Variants in ERVH48-1 observed in about 807,000 individuals in gnomAD.
The protein encoded by ERVH48-1 is suppressyn.
In ERVH48-1, 4 loss-of-function variants were observed where a neutral mutation model predicts 2.4. The ratio of observed to expected loss-of-function variants is 1.68; its 90% CI spans 0.83 to 3.84. The LOEUF (loss-of-function observed/expected upper bound fraction) is 3.84, where lower values mean the gene tolerates loss of function less well. Among genes scored for constraint, ERVH48-1 ranks in the 30% most tolerant of loss-of-function variants. The probability of loss-of-function intolerance (pLI) is 0.01; values close to 1 mark genes in which losing one functional copy is unlikely to be tolerated. For missense variants in ERVH48-1, 97 were observed against 43.4 expected, an observed-to-expected ratio of 2.23 and a Z score of -3.47; for synonymous variants, 32 against 15.5, an observed-to-expected ratio of 2.06 and a Z score of -2.49.
At chr21:42,922,700 A>C (rs1201941267) in intron 1 of ERVH48-1, among the ~76,000 whole-genome samples, 1 of 140,130 alleles carries the variant, frequency 7.1e-6, no homozygotes, top group Non-Finnish European at 1.5e-5. Context: ...AGATTGCGCC[A>C]CTGCACTCCA....
At chr21:42,920,579 A>G (rs1278089768) in intron 1 of ERVH48-1, among the ~76,000 whole-genome samples, 1 of 152,150 alleles carries the variant, frequency 6.6e-6, no homozygotes, top group Non-Finnish European at 1.5e-5. Flanking sequence ...CTCGAGTGAG[A>G]GCTCAAGTGA....
At position 42,918,969 on chromosome 21, in the gene ERVH48-1, A is replaced by C; in HGVS notation, c.38T>G (p.Leu13Arg). 1 of 886,886 alleles carries C rather than the reference A, an allele frequency of 1.1e-6. No homozygotes were observed. Among genetic ancestry groups the C allele is most frequent in the Non-Finnish European group, 1.6e-6 (1 of 621,356 alleles). 54.9% of individuals were successfully genotyped at this position (886,886 alleles called of 1,614,324 possible). A position where few individuals can be genotyped will look rare whatever the true frequency, so the allele number is the denominator to read the frequency against. The change falls in exon 2 of 2, where the codon CTT (leucine) becomes CGT (arginine). Residue 13 changes from leucine to arginine, a missense_variant. Leu to Arg is a moderately radical substitution (Grantham distance 102). Transcript: ENST00000447535. Reference protein sequence around the residue: ...CIYPTTFYTSLPTKSLNMGIS... With the variant: ...CIYPTTFYTSRPTKSLNMGIS... The stretch of plus-strand genomic sequence containing the variant: ...TCCCATATTAAGACTTTTGGTTGGA[A>C]GAGAGGTATAGAAAGTGGTTGGGTA...
Position 42,917,950 on chromosome 21 carries a change from G to A in ERVH48-1, c.*574C>T, listed in dbSNP as rs1335580792. The A allele has an allele frequency of 6.6e-6, 1 of 152,404 alleles. No homozygotes were observed. The highest frequency in any genetic ancestry group is 2.4e-5 in the African/African-American group (1 of 41,448). 9.4% of individuals were successfully genotyped at this position (152,404 alleles called of 1,614,324 possible). Reference sequence around the variant, plus strand: ...AGGTTGAATTGTGCCTAGGAAGCAAGTACCTTGCCAGTGATAAGGTAGCTG... The same window carrying A: ...AGGTTGAATTGTGCCTAGGAAGCAAATACCTTGCCAGTGATAAGGTAGCTG... On this transcript the variant is annotated 3_prime_UTR_variant, in exon 2 of 2. Coordinates refer to ENST00000447535, the MANE Select transcript of ERVH48-1 (RefSeq NM_001308491.2).
intron 1 of ERVH48-1, among the ~76,000 whole-genome samples, chr21:42,922,061 G>C (rs2058807493): frequency 6.6e-6 from 1 of 152,152 alleles, no homozygotes; most frequent in Non-Finnish European, 1.5e-5. Context: ...GTTTAAAAGG[G>C]AGTTTGTTGG....
intron 1 of ERVH48-1, among the ~76,000 whole-genome samples, chr21:42,924,182 G>A (rs1240732400): frequency 6.6e-6 from 1 of 152,122 alleles, no homozygotes; most frequent in Non-Finnish European, 1.5e-5. Flanking sequence ...AAGGTGGCGG[G>A]GTGGGTTTAC....
At chr21:42,922,436 A>G (rs1470984150) in intron 1 of ERVH48-1, among the ~76,000 whole-genome samples, 1 of 151,954 alleles carries the variant, frequency 6.6e-6, no homozygotes, top group Non-Finnish European at 1.5e-5. Flanking sequence ...GCATGAGGGC[A>G]GGACTAAGAG....
Position 42,918,745 on chromosome 21 carries a change from TA to T in ERVH48-1, c.261del (p.Tyr87Ter). 2.2e-6 allele frequency: 1 copy of T among 456,744 alleles called. No homozygotes were observed. Among genetic ancestry groups the T allele is most frequent in the Non-Finnish European group, 4.4e-6 (1 of 226,976 alleles). 28.3% of individuals were successfully genotyped at this position (456,744 alleles called of 1,614,324 possible). On this transcript the variant is annotated frameshift_variant, in exon 2 of 2. Transcript: ENST00000447535. LOFTEE classifies it high-confidence loss of function. ...EECVESGKSYYKVKNLGVCGS... is the reference protein window; with the variant it reads ...EECVESGKSYXKVKNLGVCGS... ...CCACATACTCCTAGATTCTTTACTT[TA>T]TAATAACTCTTTCCTGATTCAACAC...
At position 42,918,956 on chromosome 21, in the gene ERVH48-1, A is replaced by G. The variant is rs2058797249; in HGVS notation, c.51T>C (p.Ser17=). 1.0e-5 allele frequency: 8 copies of G among 791,058 alleles called. No homozygotes were observed. Among genetic ancestry groups the G allele is most frequent in the Non-Finnish European group, 1.5e-5 (8 of 533,620 alleles). The allele number at this position is 791,058 out of a possible 1,614,324, so 49.0% of individuals were successfully genotyped here. A position where few individuals can be genotyped will look rare whatever the true frequency, so the allele number is the denominator to read the frequency against. The part of the protein sequence containing the change: ...TTFYTSLPTK[S]LNMGISLTTI... ...TGGTGAGGGATATTCCCATATTAAG[A>G]CTTTTGGTTGGAAGAGAGGTATAGA... The change falls in exon 2 of 2, where the codon AGT becomes AGC. Residue 17 remains serine, a synonymous_variant. Transcript: ENST00000447535.
At chr21:42,922,727 C>G (rs1277255521) in intron 1 of ERVH48-1, among the ~76,000 whole-genome samples, 3 of 116,750 alleles carry the variant, frequency 2.6e-5, no homozygotes, top group African/African-American at 3.5e-5. Context: ...GAGACAGAGC[C>G]AGACTCCGTC....
At chr21:42,919,331 C>T (rs750949718) in intron 1 of ERVH48-1, 40 bp from the exon 2 acceptor site, 2 of 202,076 alleles carry the variant, frequency 9.9e-6, no homozygotes, top group African/African-American at 2.3e-5. Context: ...AAGGAGGTGT[C>T]GGCAGGGAGA....
Position 42,918,250 on chromosome 21 carries a change from A to C in ERVH48-1, c.*274T>G. On this transcript the variant is annotated 3_prime_UTR_variant, in exon 2 of 2. Transcript: ENST00000447535. ...GTGACGGGTTTTCACCTACGGCGCG[A>C]TGGGTTTTATCAGTCCACTTGCGGG... The C allele has an allele frequency of 3.4e-6, 1 of 297,462 alleles. No homozygotes were observed. Among genetic ancestry groups the C allele is most frequent in the East Asian group, 9.1e-5 (1 of 10,970 alleles). 18.4% of individuals were successfully genotyped at this position (297,462 alleles called of 1,614,324 possible).
intron 1 of ERVH48-1, among the ~76,000 whole-genome samples, chr21:42,921,577 T>G (rs1601234516): frequency 6.6e-6 from 1 of 151,830 alleles, no homozygotes; most frequent in South Asian, 2.1e-4. Flanking sequence ...AAAAGAGAGA[T>G]AGTATGGGCA....
At chr21:42,921,176 G>A (rs1382034911) in intron 1 of ERVH48-1, among the ~76,000 whole-genome samples, 1 of 152,054 alleles carries the variant, frequency 6.6e-6, no homozygotes, top group African/African-American at 2.4e-5. Context: ...ACTCCATGCC[G>A]TTCGTCAGGA....
chr21:42,923,284 C>T (rs1358954435), intron 1 of ERVH48-1, among the ~76,000 whole-genome samples: 1 of 152,236 alleles, frequency 6.6e-6, no homozygotes, highest in Non-Finnish European at 1.5e-5. Context: ...CAGGGCCTCC[C>T]GATGGCGGAG....
At chr21:42,925,282 GC>G (rs34233127) in intron 1 of ERVH48-1, 63 bp downstream of exon 1, 57,285 of 331,170 alleles carry the variant, frequency 0.17, 6,054 homozygotes, top group Non-Finnish European at 0.21. Context: ...GGATTTTGGG[GC>G]TGGAGAAACC....
intron 1 of ERVH48-1, among the ~76,000 whole-genome samples, chr21:42,921,414 T>C (rs558850614): frequency 1.3e-5 from 2 of 152,174 alleles, no homozygotes; most frequent in South Asian, 2.1e-4. Context: ...CTTGCTTAGT[T>C]TGCGGAGGCG....
chr21:42,918,892 C>T lies in ERVH48-1; in HGVS notation c.115G>A (p.Ala39Thr). The change falls in exon 2 of 2, where the codon GCA becomes ACA. Residue 39 changes from alanine (A) to threonine (T), a missense_variant. Physicochemically the swap from Ala to Thr is moderately conservative, Grantham distance 58. Coordinates refer to ENST00000447535, the MANE Select transcript of ERVH48-1 (RefSeq NM_001308491.2). The part of the protein sequence containing the change: ...ILSVAVLLST[A>T]APPSCRECYQ... ...CACTCACGGCAGCTCGGAGGGGCTG[C>T]TGTGGACAGCAGGACAGCTACTGAC... The T allele has an allele frequency of 2.1e-6, 1 of 477,696 alleles. No homozygotes were observed. The highest frequency in any genetic ancestry group is 4.1e-6 in the Non-Finnish European group (1 of 246,246). The allele number at this position is 477,696 out of a possible 1,614,324, so 29.6% of individuals were successfully genotyped here.
At chr21:42,924,836 C>T (rs569914773) in intron 1 of ERVH48-1, among the ~76,000 whole-genome samples, 20 of 152,064 alleles carry the variant, frequency 1.3e-4, no homozygotes, top group African/African-American at 3.9e-4. Flanking sequence ...CGGAGGGAGA[C>T]GATAAAAGGA....
chr21:42,918,844 C>G lies in ERVH48-1; in HGVS notation c.163G>C (p.Gly55Arg), dbSNP rs2058796918. Residue 55 changes from glycine (G) to arginine (R), a missense_variant, in exon 2 of 2, where the codon GGG becomes CGG. By Grantham distance (125) the Gly-to-Arg change is moderately radical (BLOSUM62 -2). Coordinates refer to ENST00000447535, the MANE Select transcript of ERVH48-1 (RefSeq NM_001308491.2). ...RECYQSLHYR[G>R]EMQQYFTYHT... ...TAAGTAAAGTATTGTTGCATCTCCC[C>G]TCTGTAGTGCAAAGACTGATAACAC... 4.4e-6 allele frequency: 2 copies of G among 456,826 alleles called. No individual in the cohort carries two copies. Among genetic ancestry groups the G allele is most frequent in the African/African-American group, 2.0e-5 (1 of 50,068 alleles). 28.3% of individuals were successfully genotyped at this position (456,826 alleles called of 1,614,324 possible).
Sources: allele counts gnomAD v4.1 joint callset (sites outside exome capture counted in the v4.1 genomes callset), GRCh38; gene constraint gnomAD v4.1.1; transcripts MANE v1.5; gene names NCBI Gene and HGNC (gene_info 2026-07-23, HGNC 2026-07-21).